Variants in ZNF618 observed in about 807,000 individuals in gnomAD.
ZNF618 encodes neural precursor cell expressed, developmentally down-regulated 10.
In ZNF618, 34 loss-of-function variants were observed where a neutral mutation model predicts 103.0. The ratio of observed to expected loss-of-function variants is 0.33; its 90% confidence interval spans 0.25 to 0.44. ZNF618 has a LOEUF of 0.44. Ranked by LOEUF, ZNF618 falls within the 20% of genes least tolerant of loss-of-function variation. The pLI, the probability that ZNF618 is intolerant of heterozygous loss-of-function variation, is 1.00. For synonymous variants in ZNF618, 551 were observed against 542.2 expected (o/e 1.02, Z -0.23); for missense variants, 1,059 against 1,295.4 (o/e 0.82, Z 2.80).
intron 1 of ZNF618, among the ~76,000 whole-genome samples, chr9:113,895,154 G>A (rs1331810066): frequency 6.6e-6 from 1 of 150,570 alleles, no homozygotes; most frequent in South Asian, 2.1e-4. Flanking sequence ...TGTGAAGATG[G>A]AGGTGAGTGA....
At chr9:113,982,256 C>T (rs1445668026) in intron 2 of ZNF618, among the ~76,000 whole-genome samples, 1 of 152,206 alleles carries the variant, frequency 6.6e-6, no homozygotes, top group Non-Finnish European at 1.5e-5. Flanking sequence ...TTTATACACT[C>T]CTTGGGGTCA....
intron 1 of ZNF618, among the ~76,000 whole-genome samples, chr9:113,897,333 A>G (rs1237703622): frequency 6.6e-6 from 1 of 152,160 alleles, no homozygotes; most frequent in African/African-American, 2.4e-5. Context: ...GTCTTATGTT[A>G]TTAATATTTT....
At chr9:113,908,856 A>G (rs1243338982) in intron 1 of ZNF618, among the ~76,000 whole-genome samples, 3 of 151,822 alleles carry the variant, frequency 2.0e-5, no homozygotes, top group Non-Finnish European at 4.4e-5. Flanking sequence ...CTTGCCCTTC[A>G]ATCTCTGAAG....
At chr9:113,953,497 C>T (rs183123381) in intron 1 of ZNF618, among the ~76,000 whole-genome samples, 14 of 152,288 alleles carry the variant, frequency 9.2e-5, no homozygotes, top group Non-Finnish European at 1.6e-4. Context: ...ATATTGTATA[C>T]GTGCATGTGG....
chr9:113,937,189 C>T (rs931454982), intron 1 of ZNF618, among the ~76,000 whole-genome samples: 1 of 152,216 alleles, frequency 6.6e-6, no homozygotes, highest in African/African-American at 2.4e-5. Context: ...ACCTGCCCTT[C>T]ACCCACATTC....
chr9:113,971,588 C>T (rs931635636), intron 2 of ZNF618, among the ~76,000 whole-genome samples: 1 of 152,192 alleles, frequency 6.6e-6, no homozygotes, highest in Admixed American at 6.5e-5. Context: ...ACCCACCCCT[C>T]GTCAGTCCTG....
intron 10 of ZNF618, among the ~76,000 whole-genome samples, chr9:114,026,768 G>C (rs1029653108): frequency 6.6e-6 from 1 of 152,198 alleles, no homozygotes; most frequent in East Asian, 1.9e-4. Flanking sequence ...TTGAAGAGCA[G>C]TTTATCATTC....
intron 1 of ZNF618, among the ~76,000 whole-genome samples, chr9:113,877,148 A>G (rs1828033317): frequency 6.6e-6 from 1 of 152,068 alleles, no homozygotes; most frequent in Non-Finnish European, 1.5e-5. Context: ...TTATTTCTGA[A>G]GCCAAATCCA....
chr9:114,005,376 C>T (rs11788633), intron 6 of ZNF618, among the ~76,000 whole-genome samples: 1 of 152,072 alleles, frequency 6.6e-6, no homozygotes, highest in African/African-American at 2.4e-5. Flanking sequence ...TCCTGACTGA[C>T]GAAGACCTGG....
chr9:113,969,294 T>C, intron 2 of ZNF618, 134 bp downstream of exon 2: 1 of 1,066,202 alleles, frequency 9.4e-7, no homozygotes, highest in Non-Finnish European at 1.4e-6. Context: ...TGGCAAGAAG[T>C]ATCCAGACTT....
At chr9:113,922,787 CT>C (rs1564174709) in intron 1 of ZNF618, among the ~76,000 whole-genome samples, 5 of 152,100 alleles carry the variant, frequency 3.3e-5, no homozygotes. Flanking sequence ...TATTCTGGGT[CT>C]TTTGCCTTTC....
chr9:113,988,232 C>T, intron 2 of ZNF618, 89 bp from the exon 3 acceptor site: 1 of 1,482,762 alleles, frequency 6.7e-7, no homozygotes, highest in Non-Finnish European at 9.0e-7. Context: ...ATGCACACAG[C>T]CTGGCATGTC....
chr9:113,987,079 C>G (rs992797243), intron 2 of ZNF618, among the ~76,000 whole-genome samples: 1 of 152,180 alleles, frequency 6.6e-6, no homozygotes, highest in African/African-American at 2.4e-5. Flanking sequence ...ATGCTCTCCT[C>G]TGGCACAGTG....
At chr9:113,904,032 T>A (rs1482969246) in intron 1 of ZNF618, among the ~76,000 whole-genome samples, 1 of 150,834 alleles carries the variant, frequency 6.6e-6, no homozygotes, top group Non-Finnish European at 1.5e-5. Flanking sequence ...TTTCCAAGGA[T>A]TCCAATTGCA....
chr9:113,905,602 C>T (rs899876547), intron 1 of ZNF618, among the ~76,000 whole-genome samples: 2 of 152,320 alleles, frequency 1.3e-5, no homozygotes, highest in South Asian at 4.1e-4. Flanking sequence ...TGAAATTTCT[C>T]CACTTTGGCT....
chr9:113,974,882 C>T (rs10435838), intron 2 of ZNF618, among the ~76,000 whole-genome samples: 136,250 of 152,210 alleles, frequency 0.9, 61,330 homozygotes, highest in East Asian at 1. Flanking sequence ...TTGTGTGACC[C>T]TGGGCTCCTT....
intron 2 of ZNF618, among the ~76,000 whole-genome samples, chr9:113,979,003 G>A (rs1838738302): frequency 6.6e-6 from 1 of 152,186 alleles, no homozygotes; most frequent in Admixed American, 6.5e-5. Flanking sequence ...GCATGCTGGT[G>A]TGTTTTGTCT....
intron 7 of ZNF618, among the ~76,000 whole-genome samples, 191 bp downstream of exon 7, chr9:114,007,630 A>G (rs572299420): frequency 6.6e-6 from 1 of 152,284 alleles, no homozygotes; most frequent in Non-Finnish European, 1.5e-5. Flanking sequence ...TACTCCACAT[A>G]CACTTCTATT....
intron 2 of ZNF618, 49 bp from the exon 3 acceptor site, chr9:113,988,272 G>A: frequency 6.4e-7 from 1 of 1,568,840 alleles, no homozygotes; most frequent in Non-Finnish European, 8.6e-7. Context: ...GTGGGCTCCT[G>A]TGTTGATCTG....
Sources: allele counts gnomAD v4.1 joint callset (sites outside exome capture counted in the v4.1 genomes callset), GRCh38; gene constraint gnomAD v4.1.1; transcripts MANE v1.5; gene names NCBI Gene and HGNC (gene_info 2026-07-23, HGNC 2026-07-21).